DAB2IP: variants seen among roughly 807,000 people sequenced by gnomAD.
DAB2IP encodes DAB2 interacting protein.
In DAB2IP, 28 loss-of-function variants were observed where a neutral mutation model predicts 107.2. That is an observed-to-expected ratio of 0.26 (90% confidence interval 0.19 to 0.36). DAB2IP has a LOEUF of 0.36. Among genes scored for constraint, DAB2IP ranks in the 10% least tolerant of loss-of-function variants. DAB2IP has a pLI of 1.00. For synonymous variants in DAB2IP, 755 were observed against 706.4 expected (o/e 1.07, Z -1.09); for missense variants, 1,400 against 1,644.7 (o/e 0.85, Z 2.57).
chr9:121,729,980 C>A (rs1036953738), intron 3 of DAB2IP, among the ~76,000 whole-genome samples: 18 of 152,046 alleles, frequency 1.2e-4, no homozygotes, highest in Admixed American at 3.9e-4. Context: ...TTATAGTGTT[C>A]CCATTCTGCA....
chr9:121,596,000 A>G (rs1173883961), intron 1 of DAB2IP, among the ~76,000 whole-genome samples: 3 of 152,058 alleles, frequency 2.0e-5, no homozygotes, highest in Admixed American at 2.0e-4. Context: ...CAGCCTGGCC[A>G]ACATAGAGAG....
At chr9:121,573,686 A>G (rs1214033483) in intron 1 of DAB2IP, among the ~76,000 whole-genome samples, 2 of 152,040 alleles carry the variant, frequency 1.3e-5, no homozygotes, top group African/African-American at 2.4e-5. Context: ...TCTGGCCTAC[A>G]TTGTCTTCTG....
intron 1 of DAB2IP, among the ~76,000 whole-genome samples, chr9:121,620,814 C>T (rs1265580498): frequency 6.6e-6 from 1 of 152,216 alleles, no homozygotes; most frequent in African/African-American, 2.4e-5. Context: ...GGGAGCCCCA[C>T]CCATGCCCAG....
At chr9:121,589,100 T>A (rs761068931) in intron 1 of DAB2IP, among the ~76,000 whole-genome samples, 1 of 151,924 alleles carries the variant, frequency 6.6e-6, no homozygotes, top group African/African-American at 2.4e-5. Context: ...AACTCAAGAG[T>A]TGGCTCTGTC....
At chr9:121,675,797 C>T (rs143272378) in intron 1 of DAB2IP, among the ~76,000 whole-genome samples, 2 of 152,314 alleles carry the variant, frequency 1.3e-5, no homozygotes, top group Non-Finnish European at 2.9e-5. Context: ...GGGTGACAGC[C>T]TCCCAGAGGG....
chr9:121,705,648 A>G (rs1830024378), intron 3 of DAB2IP, among the ~76,000 whole-genome samples: 1 of 152,136 alleles, frequency 6.6e-6, no homozygotes. Context: ...GTGCATGGAC[A>G]CTGAGCTGGC....
At chr9:121,747,427 A>G (rs1262755796) in intron 3 of DAB2IP, among the ~76,000 whole-genome samples, 1 of 150,054 alleles carries the variant, frequency 6.7e-6, no homozygotes, top group East Asian at 2.0e-4. Flanking sequence ...GGCTCACTGC[A>G]AGCTCCACCT....
At chr9:121,734,397 A>AG (rs1298565817) in intron 3 of DAB2IP, among the ~76,000 whole-genome samples, 4 of 140,602 alleles carry the variant, frequency 2.8e-5, no homozygotes, top group East Asian at 3.9e-4. Context: ...AAAAAAAAAA[A>AG]AAAAGATGTT....
intron 1 of DAB2IP, among the ~76,000 whole-genome samples, chr9:121,666,144 G>T (rs919766861): frequency 8.5e-5 from 13 of 152,158 alleles, no homozygotes; most frequent in Admixed American, 5.2e-4. Context: ...AAGTTGCCTG[G>T]TTCCTTGTCT....
chr9:121,675,787 G>C lies in DAB2IP; in HGVS notation c.125-2891G>C, dbSNP rs2119128292. On this transcript the variant is annotated intron_variant, in intron 1 of 15. Transcript: ENST00000408936. The stretch of plus-strand genomic sequence containing the variant: ...GTATAGCAGATGGGACACAGGTTAT[G>C]GGTGACAGCCTCCCAGAGGGAGGTG... 1.3e-5 allele frequency among the ~76,000 whole-genome samples: 2 copies of C among 152,324 alleles called. 1 individual carries two copies. The highest frequency in any genetic ancestry group is 2.9e-5 in the Non-Finnish European group (2 of 68,026).
chr9:121,710,743 C>A (rs1397383411), intron 3 of DAB2IP, among the ~76,000 whole-genome samples: 1 of 152,160 alleles, frequency 6.6e-6, no homozygotes, highest in Non-Finnish European at 1.5e-5. Context: ...GCCAGGGACT[C>A]CCCCACCAGC....
chr9:121,641,759 A>ACAGC (rs974473279), intron 1 of DAB2IP, among the ~76,000 whole-genome samples: 5 of 143,336 alleles, frequency 3.5e-5, no homozygotes, highest in Admixed American at 7.2e-5. Context: ...TCCTGGTCCC[A>ACAGC]CAGCCAGCCT....
intron 3 of DAB2IP, among the ~76,000 whole-genome samples, chr9:121,749,212 C>T (rs1832930274): frequency 6.6e-6 from 1 of 152,262 alleles, no homozygotes; most frequent in Non-Finnish European, 1.5e-5. Context: ...CGGGGCAAGG[C>T]TGGGCTTGGG....
chr9:121,665,319 C>T (rs1333688340), intron 1 of DAB2IP, among the ~76,000 whole-genome samples: 1 of 151,718 alleles, frequency 6.6e-6, no homozygotes, highest in Admixed American at 6.6e-5. Flanking sequence ...ACCACCCTGG[C>T]CAACATAGTG....
intron 1 of DAB2IP, among the ~76,000 whole-genome samples, chr9:121,601,655 GC>G (rs1396160773): frequency 6.6e-6 from 1 of 152,134 alleles, no homozygotes; most frequent in Non-Finnish European, 1.5e-5. Context: ...GCCAGACCCT[GC>G]CCTGAGGACT....
chr9:121,715,196 G>A (rs1830534487), intron 3 of DAB2IP, among the ~76,000 whole-genome samples: 1 of 152,182 alleles, frequency 6.6e-6, no homozygotes. Flanking sequence ...GGGGCTTCAT[G>A]GTGGTTGCCT....
intron 1 of DAB2IP, among the ~76,000 whole-genome samples, chr9:121,592,830 G>A (rs906113405): frequency 1.3e-5 from 2 of 152,168 alleles, no homozygotes; most frequent in African/African-American, 4.8e-5. Flanking sequence ...GATGGAAGCT[G>A]ACAAGGAAAA....
At chr9:121,726,380 C>T (rs2118838563) in intron 3 of DAB2IP, among the ~76,000 whole-genome samples, 1 of 152,296 alleles carries the variant, frequency 6.6e-6, no homozygotes, top group East Asian at 1.9e-4. Context: ...CATTGGTATC[C>T]CTTTATAATA....
At chr9:121,682,872 TG>T (rs1049150213) in intron 2 of DAB2IP, among the ~76,000 whole-genome samples, 1 of 151,668 alleles carries the variant, frequency 6.6e-6, no homozygotes, top group Non-Finnish European at 1.5e-5. Context: ...TAGGGAGAGT[TG>T]GGGGGTAGGG....
Sources: allele counts gnomAD v4.1 joint callset (sites outside exome capture counted in the v4.1 genomes callset), GRCh38; gene constraint gnomAD v4.1.1; transcripts MANE v1.5; gene names NCBI Gene and HGNC (gene_info 2026-07-23, HGNC 2026-07-21).